The following WWOX variants were observed in gnomAD, a reference collection of about 807,000 sequenced individuals.
WWOX encodes WW domain containing oxidoreductase.
In WWOX, 69 loss-of-function variants were observed where a neutral mutation model predicts 46.2. The observed-to-expected ratio is 1.49, with a 90% confidence interval of 1.23 to 1.82. WWOX has a LOEUF of 1.82. WWOX is among the 40% of genes most tolerant of loss of function. WWOX has a pLI of 0.00. For synonymous variants in WWOX, 359 were observed against 202.6 expected, an observed-to-expected ratio of 1.77 and a Z score of -6.56; for missense variants, 919 against 542.6, an observed-to-expected ratio of 1.69 and a Z score of -6.89.
rs559946777 is a variant in WWOX at position 78,914,844 on chromosome 16, A to G, written c.1057-296764A>G. Among the ~76,000 whole-genome samples the G allele has an allele frequency of 6.1e-4, 81 of 133,484 alleles. 1 individual carries two copies. Among genetic ancestry groups the G allele is most frequent in the African/African-American group, 2.2e-3 (74 of 34,412 alleles). The allele number at this position is 133,484 out of a possible 152,430, so 87.6% of individuals were successfully genotyped here. On this transcript the variant is annotated intron_variant, in intron 8 of 8. Transcript: ENST00000566780. ...CAGTGAGCCAGGATCGCGCCACTGC[A>G]CTCCCGCCCGGGTGACAGAGCGAGA...
intron 5 of WWOX, among the ~76,000 whole-genome samples, chr16:78,225,345 T>C (rs2037016205): frequency 6.6e-6 from 1 of 152,224 alleles, no homozygotes; most frequent in South Asian, 2.1e-4. Flanking sequence ...TAGTTCGTTA[T>C]TGACTGAAAT....
chr16:79,201,518 A>G (rs2051351988), intron 8 of WWOX, among the ~76,000 whole-genome samples: 1 of 152,148 alleles, frequency 6.6e-6, no homozygotes, highest in Non-Finnish European at 1.5e-5. Context: ...CATCAAATTA[A>G]GTTTGGAAAC....
chr16:78,979,985 G>A (rs577103834), intron 8 of WWOX, among the ~76,000 whole-genome samples: 17 of 152,224 alleles, frequency 1.1e-4, no homozygotes, highest in South Asian at 6.2e-4. Context: ...AAAATTAGCT[G>A]GGTGTGTTGG....
intron 8 of WWOX, among the ~76,000 whole-genome samples, chr16:79,096,171 G>A (rs1480493008): frequency 6.6e-6 from 1 of 151,830 alleles, no homozygotes; most frequent in Non-Finnish European, 1.5e-5. Flanking sequence ...CCTGACCACA[G>A]TCCTTTCTTT....
intron 8 of WWOX, among the ~76,000 whole-genome samples, chr16:78,578,921 C>T (rs1011151406): frequency 6.6e-6 from 1 of 152,156 alleles, no homozygotes; most frequent in Non-Finnish European, 1.5e-5. Context: ...GCTGTTGTAG[C>T]TTTGTTGATT....
intron 5 of WWOX, among the ~76,000 whole-genome samples, chr16:78,184,569 TTATACTA>T (rs72565124): frequency 0.15 from 22,328 of 152,044 alleles, 1,947 homozygotes; most frequent in Non-Finnish European, 0.2. Context: ...TTTTCCCCGT[TTATACTA>T]TAAACATATG....
intron 5 of WWOX, among the ~76,000 whole-genome samples, chr16:78,383,889 C>T (rs1349960160): frequency 6.6e-6 from 1 of 152,140 alleles, no homozygotes; most frequent in Non-Finnish European, 1.5e-5. Context: ...TACTTGATGG[C>T]TTGTGACCCC....
chr16:78,977,925 T>C (rs1040459592), intron 8 of WWOX, among the ~76,000 whole-genome samples: 1 of 152,218 alleles, frequency 6.6e-6, no homozygotes, highest in African/African-American at 2.4e-5. Context: ...ATTAACCATT[T>C]CAAAGTAGAC....
chr16:79,069,485 A>G (rs760021706), intron 8 of WWOX, among the ~76,000 whole-genome samples: 2 of 152,102 alleles, frequency 1.3e-5, no homozygotes, highest in Admixed American at 1.3e-4. Flanking sequence ...AAACTTAGGA[A>G]CTAAGAACCG....
intron 5 of WWOX, among the ~76,000 whole-genome samples, chr16:78,346,415 T>G (rs2081094931): frequency 1.3e-5 from 1 of 77,160 alleles, no homozygotes; most frequent in Non-Finnish European, 3.0e-5. Context: ...GATAATACTC[T>G]GGAGTGGAAT....
intron 5 of WWOX, among the ~76,000 whole-genome samples, chr16:78,310,146 G>T (rs6564523): frequency 0.36 from 53,823 of 150,810 alleles, 10,568 homozygotes; most frequent in East Asian, 0.59. Flanking sequence ...TGTTTTTGTT[G>T]CTGGTAACTG....
intron 8 of WWOX, among the ~76,000 whole-genome samples, chr16:78,991,600 C>CAGAAAA (rs533147698): frequency 1.3e-5 from 1 of 78,166 alleles, no homozygotes; most frequent in African/African-American, 4.9e-5. Context: ...GACCTTGTCT[C>CAGAAAA]AAAAAAAAAA....
chr16:78,784,553 C>CT (rs2050408655), intron 8 of WWOX, among the ~76,000 whole-genome samples: 1 of 151,948 alleles, frequency 6.6e-6, no homozygotes, highest in South Asian at 2.1e-4. Flanking sequence ...GTCTCCTCAT[C>CT]TACAAAGGGG....
intron 8 of WWOX, among the ~76,000 whole-genome samples, chr16:78,829,443 A>G (rs568318833): frequency 6.6e-6 from 1 of 152,328 alleles, no homozygotes; most frequent in South Asian, 2.1e-4. Context: ...TACTCAGTCT[A>G]CTGATTCAAA....
intron 8 of WWOX, among the ~76,000 whole-genome samples, chr16:78,916,906 G>T (rs1254414390): frequency 6.6e-6 from 1 of 152,150 alleles, no homozygotes; most frequent in Non-Finnish European, 1.5e-5. Context: ...TATAGGTGTG[G>T]TAAGGGGATC....
At chr16:78,580,447 C>T (rs1356460053) in intron 8 of WWOX, among the ~76,000 whole-genome samples, 3 of 152,192 alleles carry the variant, frequency 2.0e-5, no homozygotes, top group Non-Finnish European at 2.9e-5. Flanking sequence ...GGTAAATAAC[C>T]TTGTTGTGGA....
At chr16:78,830,214 G>T (rs1056436042) in intron 8 of WWOX, among the ~76,000 whole-genome samples, 4 of 152,192 alleles carry the variant, frequency 2.6e-5, no homozygotes, top group African/African-American at 9.6e-5. Context: ...GAAAGAAGCA[G>T]TGTTAACATT....
intron 8 of WWOX, among the ~76,000 whole-genome samples, chr16:78,491,053 C>G (rs976249331): frequency 6.6e-6 from 1 of 152,182 alleles, no homozygotes; most frequent in Non-Finnish European, 1.5e-5. Flanking sequence ...CCAAAGTGAA[C>G]TGAGCTCACC....
intron 8 of WWOX, among the ~76,000 whole-genome samples, chr16:79,210,746 C>T (rs938212823): frequency 2.0e-5 from 3 of 152,038 alleles, no homozygotes; most frequent in African/African-American, 7.3e-5. Flanking sequence ...GATTTCTTGC[C>T]CTCTTTATAG....
Sources: gnomAD v4.1 joint callset for allele counts (sites outside exome capture counted in the v4.1 genomes callset) on GRCh38, gnomAD v4.1.1 for gene constraint, MANE v1.5 for transcripts, NCBI Gene and HGNC (gene_info 2026-07-23, HGNC 2026-07-21) for gene names.